Variants in HMG20A observed in about 807,000 individuals in gnomAD.
HMG20A encodes the protein high mobility group protein 20A.
In HMG20A, 17 loss-of-function variants were observed where a neutral mutation model predicts 43.9. The ratio of observed to expected loss-of-function variants is 0.39; its 90% CI spans 0.27 to 0.58. The LOEUF is 0.58. HMG20A is among the 20% of genes least tolerant of loss of function. The pLI, the probability that HMG20A is intolerant of heterozygous loss-of-function variation, is 0.59. For missense variants in HMG20A, 341 were observed against 438.2 expected (o/e 0.78, Z 1.98); for synonymous variants, 132 against 147.5 (o/e 0.89, Z 0.76).
intron 1 of HMG20A, among the ~76,000 whole-genome samples, chr15:77,450,114 T>G (rs1435703978): frequency 6.6e-6 from 1 of 152,158 alleles, no homozygotes; most frequent in East Asian, 1.9e-4. Flanking sequence ...TTCAGATTTA[T>G]TTTTTATTTA....
intron 1 of HMG20A, among the ~76,000 whole-genome samples, chr15:77,426,463 A>T (rs1389942952): frequency 1.3e-5 from 2 of 152,202 alleles, no homozygotes; most frequent in African/African-American, 4.8e-5. Context: ...GGAAGAAAAA[A>T]TATGTTTACT....
chr15:77,424,775 G>A (rs2073408160), intron 1 of HMG20A, among the ~76,000 whole-genome samples: 1 of 152,122 alleles, frequency 6.6e-6, no homozygotes, highest in Non-Finnish European at 1.5e-5. Context: ...ATACAAAATA[G>A]AAAAGTTTCA....
chr15:77,495,087 A>G, the HMG20A span, among the ~76,000 whole-genome samples: 1 of 152,252 alleles, frequency 6.6e-6, no homozygotes, highest in Non-Finnish European at 1.5e-5. Flanking sequence ...CAGTCTGCTT[A>G]GGTGAAGAGA....
intron 6 of HMG20A, 98 bp downstream of exon 6, chr15:77,471,912 G>A: frequency 1.5e-6 from 1 of 650,720 alleles, no homozygotes; most frequent in South Asian, 2.0e-5. Flanking sequence ...GAATGGCAAA[G>A]TATTTCCTAT....
intron 1 of HMG20A, among the ~76,000 whole-genome samples, chr15:77,445,521 A>G (rs969960513): frequency 4.6e-5 from 7 of 152,140 alleles, no homozygotes; most frequent in South Asian, 2.1e-4. Context: ...CTTCTTCACA[A>G]TTTCACAGAT....
At chr15:77,506,152 A>G in the HMG20A span, among the ~76,000 whole-genome samples, 1 of 141,116 alleles carries the variant, frequency 7.1e-6, no homozygotes, top group African/African-American at 2.5e-5. Context: ...AACAACAAAT[A>G]ATTTTTTAAT....
At chr15:77,513,569 C>T in the HMG20A span, among the ~76,000 whole-genome samples, 2 of 152,136 alleles carry the variant, frequency 1.3e-5, no homozygotes, top group East Asian at 3.8e-4. Flanking sequence ...AGGTGCCGAC[C>T]GGGTTGGCTT....
intron 1 of HMG20A, among the ~76,000 whole-genome samples, chr15:77,454,574 G>A (rs2072637077): frequency 6.6e-6 from 1 of 152,134 alleles, no homozygotes; most frequent in African/African-American, 2.4e-5. Flanking sequence ...AGAGGGCCCA[G>A]TTGTGATTGG....
intron 1 of HMG20A, among the ~76,000 whole-genome samples, chr15:77,425,857 A>G (rs2073421496): frequency 6.6e-6 from 1 of 152,236 alleles, no homozygotes; most frequent in Non-Finnish European, 1.5e-5. Context: ...CTTATTTGTA[A>G]AAGGCAAACT....
chr15:77,435,537 G>A (rs1216459133), intron 1 of HMG20A, among the ~76,000 whole-genome samples: 13 of 152,034 alleles, frequency 8.6e-5, no homozygotes, highest in South Asian at 4.2e-4. Flanking sequence ...CAAGTGATCC[G>A]CCCGCCTCGG....
In HMG20A at chr15:77,484,463, G is replaced by A. The variant is rs116611054; in HGVS notation, c.*1500G>A. The A allele has an allele frequency of 0.011, 1,701 of 152,644 alleles. 42 individuals carry two copies. Among genetic ancestry groups the A allele is most frequent in the African/African-American group, 0.039 (1,601 of 41,520 alleles). 9.5% of individuals were successfully genotyped at this position (152,644 alleles called of 1,614,324 possible). A position where few individuals can be genotyped will look rare whatever the true frequency, so the allele number is the denominator to read the frequency against. Reference sequence around the variant, plus strand: ...ACTGCAGGCAGGTGGATAGAAGTGCGGCCCCTCTCATAGTATGCCCATAAG... The same window carrying A: ...ACTGCAGGCAGGTGGATAGAAGTGCAGCCCCTCTCATAGTATGCCCATAAG... On this transcript the variant is annotated 3_prime_UTR_variant, in exon 10 of 10. Transcript: ENST00000336216.
At position 77,436,274 on chromosome 15, in the gene HMG20A, AC is replaced by A. The variant is rs200416058; in HGVS notation, c.-5+15276del. ...ACCCGTTCAACACACACACTTACAC[AC>A]CCCCCTATCCAGACCACTGCAAGAT... On this transcript the variant is annotated intron_variant, in intron 1 of 9. Transcript: ENST00000336216. 4.3e-3 allele frequency among the ~76,000 whole-genome samples: 652 copies of A among 151,114 alleles called. 1 individual carries two copies. The highest frequency in any genetic ancestry group is 0.014 in the African/African-American group (558 of 41,102).
chr15:77,491,639 C>T, the HMG20A span, among the ~76,000 whole-genome samples: 3 of 152,214 alleles, frequency 2.0e-5, no homozygotes, highest in East Asian at 1.9e-4. Context: ...AATGATCAAA[C>T]GGCTGTGAGC....
chr15:77,446,261 C>T (rs912388610), intron 1 of HMG20A, among the ~76,000 whole-genome samples: 2 of 152,028 alleles, frequency 1.3e-5, no homozygotes, highest in African/African-American at 4.8e-5. Context: ...TGAATAAATA[C>T]CGTTATACAC....
intron 5 of HMG20A, 51 bp from the exon 6 acceptor site, chr15:77,471,732 T>C: frequency 8.0e-7 from 1 of 1,245,616 alleles, no homozygotes; most frequent in African/African-American, 1.5e-5. Context: ...TTGGGTTTTG[T>C]TATTGCTTTC....
Position 77,478,474 on chromosome 15 carries a change from G to A in HMG20A, c.871G>A (p.Val291Met), listed in dbSNP as rs765517687. The A allele has an allele frequency of 1.8e-5, 29 of 1,611,318 alleles. No homozygotes were observed. The South Asian group carries it at 2.4e-4, about 13-fold the overall frequency. Reference sequence around the variant, plus strand: ...GCAGCACCTGGAGACCCTGCGGCAGGTGCTGACCAGCAGCTTTGCCAGCAT... The same window carrying A: ...GCAGCACCTGGAGACCCTGCGGCAGATGCTGACCAGCAGCTTTGCCAGCAT... ...LQQHLETLRQ[V>M]LTSSFASMPL... Residue 291 changes from valine (V) to methionine (M), a missense_variant, in exon 8 of 10, where the codon GTG (valine) becomes ATG (methionine). Transcript: ENST00000336216.
chr15:77,515,110 C>T, the HMG20A span, among the ~76,000 whole-genome samples: 1 of 152,014 alleles, frequency 6.6e-6, no homozygotes. Flanking sequence ...GTTTGAGATC[C>T]CCATGGAAGC....
intron 1 of HMG20A, among the ~76,000 whole-genome samples, chr15:77,426,767 G>C (rs1336637751): frequency 6.6e-6 from 1 of 152,086 alleles, no homozygotes; most frequent in East Asian, 1.9e-4. Context: ...ATTTTGAATG[G>C]AGCCAGAAGA....
the HMG20A span, among the ~76,000 whole-genome samples, chr15:77,503,019 C>A: frequency 6.6e-6 from 1 of 152,130 alleles, no homozygotes; most frequent in Non-Finnish European, 1.5e-5. Context: ...GTACTCCTTT[C>A]TGAGTGGTTT....
Sources: gnomAD v4.1 joint callset for allele counts (sites outside exome capture counted in the v4.1 genomes callset) on GRCh38, gnomAD v4.1.1 for gene constraint, MANE v1.5 for transcripts, NCBI Gene and HGNC (gene_info 2026-07-23, HGNC 2026-07-21) for gene names.